The following PCDH17 variants were observed in gnomAD, a reference collection of about 807,000 sequenced individuals.
PCDH17 encodes the protein protocadherin-17.
In PCDH17, 21 loss-of-function variants were observed where a neutral mutation model predicts 67.7. The observed-to-expected ratio is 0.31, with a 90% CI of 0.22 to 0.45. The LOEUF (loss-of-function observed/expected upper bound fraction) is 0.45, where lower values mean the gene tolerates loss of function less well. Ranked by LOEUF, PCDH17 falls within the 20% of genes least tolerant of loss-of-function variation. PCDH17 has a pLI of 1.00. For missense variants in PCDH17, 1,471 were observed against 1,564.8 expected (o/e 0.94, Z 1.01); for synonymous variants, 701 against 656.7 (o/e 1.07, Z -1.03).
chr13:57,662,452 A>T (rs1473174052), intron 1 of PCDH17, among the ~76,000 whole-genome samples: 1 of 152,130 alleles, frequency 6.6e-6, no homozygotes, highest in Non-Finnish European at 1.5e-5. Flanking sequence ...TACAGATCCT[A>T]TACATTTTAA....
chr13:57,674,843 C>T (rs1473078918), intron 3 of PCDH17, among the ~76,000 whole-genome samples: 2 of 151,932 alleles, frequency 1.3e-5, no homozygotes, highest in Non-Finnish European at 2.9e-5. Flanking sequence ...TAGAAGTCCT[C>T]TGTTCTTTTA....
intron 1 of PCDH17, among the ~76,000 whole-genome samples, chr13:57,648,860 AATTCCTTTTGCCAGTGTAAGT>A (rs1167917175): frequency 2.0e-5 from 3 of 152,092 alleles, no homozygotes; most frequent in Admixed American, 2.0e-4. Flanking sequence ...GGGCACTCCC[AATTCCTTTTGCCAGTGTAAGT>A]ATAATACCAT....
chr13:57,725,158 G>A lies in PCDH17; in HGVS notation c.3344G>A (p.Gly1115Asp), dbSNP rs1566250303. Residue 1115 changes from glycine to aspartate, a missense_variant, in exon 4 of 4, where the codon GGT becomes GAT. Physicochemically the swap from Gly to Asp is moderately conservative, Grantham distance 94. Around this residue, in one of 3 missense-constraint regions of PCDH17, gnomAD observed 297 missense variants for 298.6 expected, o/e 0.99. Transcript: ENST00000377918. ...GCCAGCCGGGATTCCAGTGAGATGGGTGCTGTTCTTGAGCAGCTTGACCAC... is the reference window on the plus strand; with the variant it reads ...GCCAGCCGGGATTCCAGTGAGATGGATGCTGTTCTTGAGCAGCTTGACCAC... ...SRASRDSSEMGAVLEQLDHPN... is the reference protein window; with the variant it reads ...SRASRDSSEMDAVLEQLDHPN... 3.1e-6 allele frequency: 5 copies of A among 1,614,172 alleles called. No individual in the cohort carries two copies. Among genetic ancestry groups the A allele is most frequent in the Non-Finnish European group, 4.2e-6 (5 of 1,180,014 alleles).
intron 3 of PCDH17, among the ~76,000 whole-genome samples, chr13:57,698,962 T>C (rs1197025095): frequency 1.3e-5 from 2 of 152,000 alleles, no homozygotes; most frequent in African/African-American, 4.8e-5. Flanking sequence ...ACTTGACATC[T>C]TTTTTCAGCC....
intron 1 of PCDH17, among the ~76,000 whole-genome samples, chr13:57,660,573 T>G (rs1161832036): frequency 1.3e-5 from 2 of 152,226 alleles, no homozygotes; most frequent in African/African-American, 4.8e-5. Context: ...GAACCTTTTT[T>G]GAGGTGTATA....
intron 1 of PCDH17, among the ~76,000 whole-genome samples, chr13:57,645,237 A>G (rs1216519547): frequency 6.6e-6 from 1 of 151,698 alleles, no homozygotes; most frequent in Non-Finnish European, 1.5e-5. Flanking sequence ...TTCTCAAAGC[A>G]GTCTAGATAG....
rs2138110414 is a variant in PCDH17 at position 57,726,789 on chromosome 13, G to A, written c.*1495G>A. On this transcript the variant is annotated 3_prime_UTR_variant, in exon 4 of 4. Coordinates refer to ENST00000377918, the MANE Select transcript of PCDH17 (RefSeq NM_001040429.3). ...TGCCTGTGTAGATATTATGCCATCA[G>A]TTGGTTCTCAAAAGTATTTTAAGTG... 6.6e-6 allele frequency: 1 copy of A among 151,978 alleles called. No homozygotes were observed. Among genetic ancestry groups the A allele is most frequent in the Middle Eastern group, 3.4e-3 (1 of 294 alleles). 9.4% of individuals were successfully genotyped at this position (151,978 alleles called of 1,614,324 possible).
At chr13:57,656,516 A>T (rs1263478913) in intron 1 of PCDH17, among the ~76,000 whole-genome samples, 1 of 151,800 alleles carries the variant, frequency 6.6e-6, no homozygotes, top group Non-Finnish European at 1.5e-5. Flanking sequence ...GCTATTTCAG[A>T]AATGTAATGA....
At chr13:57,653,720 G>A (rs1955069924) in intron 1 of PCDH17, among the ~76,000 whole-genome samples, 1 of 152,076 alleles carries the variant, frequency 6.6e-6, no homozygotes, top group African/African-American at 2.4e-5. Flanking sequence ...ATTCTTTGAA[G>A]TAAACAAGAG....
At chr13:57,678,538 T>A (rs572873346) in intron 3 of PCDH17, among the ~76,000 whole-genome samples, 1 of 151,726 alleles carries the variant, frequency 6.6e-6, no homozygotes, top group African/African-American at 2.4e-5. Flanking sequence ...AAGAAAAGGG[T>A]AAACAATTGC....
intron 3 of PCDH17, among the ~76,000 whole-genome samples, chr13:57,672,985 T>C (rs1161750525): frequency 6.6e-6 from 1 of 152,014 alleles, no homozygotes; most frequent in African/African-American, 2.4e-5. Flanking sequence ...TTCCAGAGCT[T>C]ATATAACCTC....
At chr13:57,687,644 T>C (rs1955520637) in intron 3 of PCDH17, among the ~76,000 whole-genome samples, 1 of 151,960 alleles carries the variant, frequency 6.6e-6, no homozygotes, top group East Asian at 1.9e-4. Context: ...TATTGACCTG[T>C]ACAGTGCCTT....
chr13:57,634,331 G>T lies in PCDH17; in HGVS notation c.1785G>T (p.Leu595=), dbSNP rs146063644. 1.1e-5 allele frequency: 17 copies of T among 1,612,730 alleles called. No individual in the cohort carries two copies. The highest frequency in any genetic ancestry group is 1.4e-5 in the Non-Finnish European group (17 of 1,180,042). The change falls in exon 1 of 4, where the codon CTG becomes CTT. Residue 595 remains leucine (L), a synonymous_variant. Transcript: ENST00000377918. The surrounding 1 kb of genome is among the most constrained non-coding windows in gnomAD (Gnocchi z 7.8). ...LPTLQNDTAE[L]QVPRNAGLGY... is the part of the protein sequence containing the mutation. ...CGCTGCAGAACGACACCGCGGAGCT[G>T]CAGGTGCCGCGCAACGCTGGCCTGG...
At chr13:57,710,323 A>T (rs551147331) in intron 3 of PCDH17, among the ~76,000 whole-genome samples, 11 of 151,978 alleles carry the variant, frequency 7.2e-5, no homozygotes, top group African/African-American at 2.7e-4. Flanking sequence ...AGGCTTCTTT[A>T]CACAATACTT....
At chr13:57,676,224 A>G (rs1246147477) in intron 3 of PCDH17, among the ~76,000 whole-genome samples, 1 of 151,860 alleles carries the variant, frequency 6.6e-6, no homozygotes, top group Non-Finnish European at 1.5e-5. Flanking sequence ...GATGCTAGGA[A>G]AAAAACAAAA....
At chr13:57,662,277 ATC>A (rs1476586309) in intron 1 of PCDH17, among the ~76,000 whole-genome samples, 1 of 152,166 alleles carries the variant, frequency 6.6e-6, no homozygotes, top group Non-Finnish European at 1.5e-5. Context: ...TAATTTAAGA[ATC>A]ATCTTGTTTA....
In PCDH17 at chr13:57,634,424, G is replaced by A; in HGVS notation, c.1878G>A (p.Glu626=). 1 of 1,612,896 alleles carries A rather than the reference G, an allele frequency of 6.2e-7. No individual in the cohort carries two copies. The highest frequency in any genetic ancestry group is 8.5e-7 in the Non-Finnish European group (1 of 1,179,960). ...DFGESGRLTY[E]IVDGNDDHLF... ...GCGAGAGCGGGCGTCTCACCTACGA[G>A]ATCGTGGACGGCAACGACGACCACC... Residue 626 remains glutamate, a synonymous_variant, in exon 1 of 4, where the codon GAG becomes GAA. Coordinates refer to ENST00000377918, the MANE Select transcript of PCDH17 (RefSeq NM_001040429.3). This position sits in a 1 kb window ranked among gnomAD's most constrained non-coding sequence, Gnocchi z 7.8.
chr13:57,721,293 C>A (rs1566248636), intron 3 of PCDH17, among the ~76,000 whole-genome samples: 1 of 151,990 alleles, frequency 6.6e-6, no homozygotes, highest in Non-Finnish European at 1.5e-5. Flanking sequence ...CAGATAGAAC[C>A]TGAAGAAAAA....
intron 1 of PCDH17, among the ~76,000 whole-genome samples, chr13:57,638,361 C>T (rs1481624195): frequency 6.6e-6 from 1 of 152,002 alleles, no homozygotes; most frequent in African/African-American, 2.4e-5. Context: ...CAGGTGTTTT[C>T]AATGAAGGCC....
Sources: allele counts gnomAD v4.1 joint callset (sites outside exome capture counted in the v4.1 genomes callset), GRCh38; gene constraint gnomAD v4.1.1; regional missense constraint gnomAD v4.1.1; non-coding constraint Gnocchi (gnomAD v3.1); transcripts MANE v1.5; gene names NCBI Gene and HGNC (gene_info 2026-07-23, HGNC 2026-07-21).